Variants in SULF1 observed in about 807,000 individuals in gnomAD.
SULF1 encodes sulfatase 1.
Under a neutral mutation model 110.5 loss-of-function variants are expected in SULF1, and 46 were observed. The ratio of observed to expected loss-of-function variants is 0.42; its 90% CI spans 0.33 to 0.53. The LOEUF (loss-of-function observed/expected upper bound fraction) is 0.53. SULF1 is among the 20% of genes least tolerant of loss of function. The pLI is 0.12. For synonymous variants in SULF1, 371 were observed against 387.1 expected, an observed-to-expected ratio of 0.96 and a Z score of 0.49; for missense variants, 941 against 1,094.2, an observed-to-expected ratio of 0.86 and a Z score of 1.98.
intron 13 of SULF1, among the ~76,000 whole-genome samples, chr8:69,607,454 T>C (rs1026075052): frequency 6.6e-6 from 1 of 152,196 alleles, no homozygotes; most frequent in African/African-American, 2.4e-5. Context: ...AGCCTCGCCC[T>C]CCTGGGCTCA....
upstream of SULF1, among the ~76,000 whole-genome samples, chr8:69,491,377 T>C (rs1434760566): frequency 6.6e-6 from 1 of 152,182 alleles, no homozygotes; most frequent in Non-Finnish European, 1.5e-5. Context: ...GAGGAGTTCC[T>C]CCATAAAATC....
At chr8:69,559,645 G>C (rs577793248) in intron 3 of SULF1, among the ~76,000 whole-genome samples, 24 of 152,146 alleles carry the variant, frequency 1.6e-4, no homozygotes, top group Non-Finnish European at 2.6e-4. Flanking sequence ...ATTCTTTTAA[G>C]TAAAAGTAGT....
chr8:69,555,586 G>A (rs1815058514), intron 3 of SULF1, among the ~76,000 whole-genome samples: 1 of 152,048 alleles, frequency 6.6e-6, no homozygotes, highest in South Asian at 2.1e-4. Context: ...GAACCTGGGA[G>A]GCATAAGTTG....
chr8:69,630,702 A>T (rs539966412), intron 19 of SULF1, among the ~76,000 whole-genome samples: 25 of 152,316 alleles, frequency 1.6e-4, no homozygotes, highest in African/African-American at 5.8e-4. Context: ...ACATCTAGCA[A>T]GACACTTTAT....
Position 69,589,815 on chromosome 8 carries a change from GC to G in SULF1, c.734+675del, listed in dbSNP as rs1483715163. On this transcript the variant is annotated intron_variant, in intron 8 of 22. Coordinates refer to ENST00000402687, the MANE Select transcript of SULF1 (RefSeq NM_001128205.2). ...CAGCCAAAGGTGGAAAAATCTAGAT[GC>G]TTTGGCAGCAAAGAACATGATTTTG... 5.9e-5 allele frequency among the ~76,000 whole-genome samples: 9 copies of G among 152,260 alleles called. No individual in the cohort carries two copies. In the East Asian group the frequency reaches 1.7e-3, roughly 29 times the overall value.
chr8:69,634,436 C>T (rs1324280971), intron 19 of SULF1, among the ~76,000 whole-genome samples: 2 of 152,052 alleles, frequency 1.3e-5, no homozygotes, highest in Non-Finnish European at 2.9e-5. Flanking sequence ...AGACTGTTTG[C>T]GTTAAATAAA....
chr8:69,519,831 T>C (rs941524736), intron 3 of SULF1, among the ~76,000 whole-genome samples: 20 of 152,306 alleles, frequency 1.3e-4, no homozygotes, highest in South Asian at 2.1e-4. Context: ...TCTATGCAGC[T>C]ATCTTCTAAT....
intron 3 of SULF1, among the ~76,000 whole-genome samples, chr8:69,515,374 A>G (rs1240876297): frequency 2.0e-5 from 3 of 152,168 alleles, no homozygotes; most frequent in African/African-American, 7.2e-5. Context: ...CCTGTTAGCC[A>G]TGGCTGGAGT....
At chr8:69,612,438 G>A (rs1306768463) in intron 13 of SULF1, among the ~76,000 whole-genome samples, 1 of 152,136 alleles carries the variant, frequency 6.6e-6, no homozygotes, top group African/African-American at 2.4e-5. Flanking sequence ...ACTGTTTTCT[G>A]TAATGGTTGC....
intron 3 of SULF1, among the ~76,000 whole-genome samples, chr8:69,537,184 C>T (rs1300783568): frequency 6.6e-6 from 1 of 152,102 alleles, no homozygotes; most frequent in African/African-American, 2.4e-5. Context: ...GCTGGGCTTT[C>T]AGAACACTCT....
intron 15 of SULF1, among the ~76,000 whole-genome samples, chr8:69,624,410 A>T (rs1048348629): frequency 6.6e-6 from 1 of 152,306 alleles, no homozygotes; most frequent in Admixed American, 6.5e-5. Context: ...TCACATTAAG[A>T]CTGATCAGCT....
intron 5 of SULF1, among the ~76,000 whole-genome samples, chr8:69,571,856 A>T (rs1805258387): frequency 6.6e-6 from 1 of 152,254 alleles, no homozygotes. Flanking sequence ...AGCCATTAAA[A>T]GGTGCTCGAT....
intron 3 of SULF1, among the ~76,000 whole-genome samples, chr8:69,551,939 A>C (rs1814750595): frequency 6.6e-6 from 1 of 152,148 alleles, no homozygotes; most frequent in Non-Finnish European, 1.5e-5. Context: ...TAAAAATACA[A>C]AACTTAACTG....
rs141953893 is a variant in SULF1 at position 69,610,561 on chromosome 8, A to G, written c.1377+5629A>G. On this transcript the variant is annotated intron_variant, in intron 13 of 22. Transcript: ENST00000402687. Reference sequence around the variant, plus strand: ...CCTTTTACTGAATTCTCCTCTGTGCATGGGTCCATTGTGGACCACTCAGCC... The same window carrying G: ...CCTTTTACTGAATTCTCCTCTGTGCGTGGGTCCATTGTGGACCACTCAGCC... 7.7e-3 allele frequency among the ~76,000 whole-genome samples: 1,176 copies of G among 152,320 alleles called. 8 individuals carry two copies. The highest frequency in any genetic ancestry group is 0.017 in the Middle Eastern group (5 of 294).
chr8:69,564,943 T>C, intron 5 of SULF1, among the ~76,000 whole-genome samples: 1 of 152,222 alleles, frequency 6.6e-6, no homozygotes, highest in East Asian at 1.9e-4. Context: ...CTCTCAGGCA[T>C]CACCCAGCTG....
At chr8:69,597,644 G>T (rs1807448530) in intron 8 of SULF1, 1 of 152,150 alleles carries the variant, frequency 6.6e-6, no homozygotes, top group Non-Finnish European at 1.5e-5. Context: ...GCACATCAAG[G>T]TAACTGGTGG....
chr8:69,635,170 G>A (rs928178875), intron 19 of SULF1, among the ~76,000 whole-genome samples: 3 of 152,182 alleles, frequency 2.0e-5, no homozygotes, highest in Admixed American at 1.3e-4. Flanking sequence ...TGAATAGGCA[G>A]AACACAGGAT....
intron 3 of SULF1, among the ~76,000 whole-genome samples, chr8:69,511,861 C>T (rs2150591178): frequency 6.6e-6 from 1 of 152,298 alleles, no homozygotes; most frequent in South Asian, 2.1e-4. Flanking sequence ...TTTTTTACAG[C>T]TACAACTATA....
At chr8:69,624,454 G>A (rs559568600) in intron 15 of SULF1, among the ~76,000 whole-genome samples, 1 of 152,338 alleles carries the variant, frequency 6.6e-6, no homozygotes, top group Non-Finnish European at 1.5e-5. Flanking sequence ...CATTAAGGCT[G>A]ATCAGCTAGG....
Sources: gnomAD v4.1 joint callset for allele counts (sites outside exome capture counted in the v4.1 genomes callset) on GRCh38, gnomAD v4.1.1 for gene constraint, MANE v1.5 for transcripts, NCBI Gene and HGNC (gene_info 2026-07-23, HGNC 2026-07-21) for gene names.